Variants in PTPRD observed in about 807,000 individuals in gnomAD.
PTPRD encodes protein tyrosine phosphatase receptor type D.
Under a neutral mutation model 214.5 loss-of-function variants are expected in PTPRD, and 34 were observed. That is an observed-to-expected ratio of 0.16 (90% confidence interval 0.12 to 0.21). PTPRD has a LOEUF of 0.21. PTPRD is among the 10% of genes least tolerant of loss of function. The probability of loss-of-function intolerance (pLI) is 1.00; values close to 1 mark genes in which losing one functional copy is unlikely to be tolerated. For synonymous variants in PTPRD, 1,128 were observed against 845.7 expected, an observed-to-expected ratio of 1.33 and a Z score of -5.79; for missense variants, 2,545 against 2,398.7, an observed-to-expected ratio of 1.06 and a Z score of -1.27.
At chr9:9,540,528 G>C (rs2077367931) in intron 8 of PTPRD, among the ~76,000 whole-genome samples, 3 of 151,812 alleles carry the variant, frequency 2.0e-5, no homozygotes, top group African/African-American at 7.3e-5. Context: ...GAAACAGCCA[G>C]AGACTATCCA....
At chr9:8,343,065 A>C (rs1411102958) in intron 39 of PTPRD, among the ~76,000 whole-genome samples, 1 of 152,052 alleles carries the variant, frequency 6.6e-6, no homozygotes, top group Non-Finnish European at 1.5e-5. Context: ...AAAACAAATG[A>C]GTTAATGCTC....
intron 11 of PTPRD, among the ~76,000 whole-genome samples, chr9:8,977,978 A>C (rs2099277960): frequency 6.6e-6 from 1 of 152,126 alleles, no homozygotes; most frequent in Non-Finnish European, 1.5e-5. Context: ...TACATGCATA[A>C]ATGCCTTGGG....
At chr9:8,866,277 A>T (rs1254158951) in intron 11 of PTPRD, among the ~76,000 whole-genome samples, 1 of 152,192 alleles carries the variant, frequency 6.6e-6, no homozygotes, top group Non-Finnish European at 1.5e-5. Flanking sequence ...TAGAAGCACC[A>T]TTCCTGCTTG....
chr9:8,919,793 CAT>C (rs2154268447), intron 11 of PTPRD, among the ~76,000 whole-genome samples: 1 of 150,090 alleles, frequency 6.7e-6, no homozygotes, highest in African/African-American at 2.4e-5. Flanking sequence ...ATGCACAATA[CAT>C]ACACATGCAA....
At chr9:9,491,391 G>C (rs2095888892) in intron 8 of PTPRD, among the ~76,000 whole-genome samples, 2 of 151,920 alleles carry the variant, frequency 1.3e-5, no homozygotes, top group African/African-American at 2.4e-5. Flanking sequence ...AGAATTACTA[G>C]ACAGAAGATG....
chr9:9,508,823 C>T (rs1029406016), intron 8 of PTPRD, among the ~76,000 whole-genome samples: 7 of 151,568 alleles, frequency 4.6e-5, no homozygotes, highest in Non-Finnish European at 7.4e-5. Flanking sequence ...CAGGATTTAA[C>T]CACTTTTGTG....
intron 5 of PTPRD, among the ~76,000 whole-genome samples, chr9:9,820,902 G>A (rs2050477934): frequency 1.3e-5 from 2 of 152,108 alleles, no homozygotes; most frequent in South Asian, 2.1e-4. Flanking sequence ...AGCATAGTTT[G>A]AAACTGGGTA....
intron 5 of PTPRD, among the ~76,000 whole-genome samples, chr9:9,860,557 C>G (rs1013146722): frequency 6.6e-6 from 1 of 152,192 alleles, no homozygotes; most frequent in Non-Finnish European, 1.5e-5. Context: ...TCTGCTGGTA[C>G]TACATTTGAT....
At position 9,003,158 on chromosome 9, in the gene PTPRD, A is replaced by C. The variant is rs562094100; in HGVS notation, c.-104+15539T>G. Among the ~76,000 whole-genome samples, 6 of 152,164 alleles carry C rather than the reference A, an allele frequency of 3.9e-5. No individual in the cohort carries two copies. In the South Asian group the frequency reaches 1.2e-3, roughly 32 times the overall value. ...ATTATTGAAAGGTTTATTTTATATA[A>C]CATTCTACTGGACTTTGTCCCAGTA... On this transcript the variant is annotated intron_variant, in intron 11 of 45. Transcript: ENST00000381196.
At chr9:9,923,649 G>T (rs1315618072) in intron 5 of PTPRD, among the ~76,000 whole-genome samples, 1 of 151,948 alleles carries the variant, frequency 6.6e-6, no homozygotes, top group Non-Finnish European at 1.5e-5. Flanking sequence ...GCATCAAAGT[G>T]ATCTTTTCAT....
chr9:9,923,842 G>A (rs1236702594), intron 5 of PTPRD, among the ~76,000 whole-genome samples: 1 of 151,780 alleles, frequency 6.6e-6, no homozygotes, highest in Non-Finnish European at 1.5e-5. Flanking sequence ...TTGAAATCAA[G>A]GAGAATGAAG....
At chr9:10,433,111 T>C (rs953992538) in intron 2 of PTPRD, among the ~76,000 whole-genome samples, 1 of 151,922 alleles carries the variant, frequency 6.6e-6, no homozygotes, top group Non-Finnish European at 1.5e-5. Context: ...TTTGTCCTTT[T>C]CTTTAGGGAA....
intron 9 of PTPRD, among the ~76,000 whole-genome samples, chr9:9,211,998 C>G (rs2099949092): frequency 6.6e-6 from 1 of 151,970 alleles, no homozygotes; most frequent in Non-Finnish European, 1.5e-5. Context: ...ATTTTAGAAG[C>G]AAACATTTTT....
rs115001787 is a variant in PTPRD, at chr9:8,993,699, T to C, written c.-104+24998A>G. ...GAGTTCAGTTCTGTTCAACACAGTC[T>C]ACTAATTCTATTGCTTTGCTTTATT... On this transcript the variant is annotated intron_variant, in intron 11 of 45. Transcript: ENST00000381196. Among the ~76,000 whole-genome samples the C allele has an allele frequency of 5.6e-3, 853 of 152,286 alleles. 2 individuals are homozygous for C. The highest frequency in any genetic ancestry group is 0.019 in the African/African-American group (785 of 41,582).
chr9:8,317,891 C>A lies in PTPRD; in HGVS notation c.5722G>T (p.Asp1908Tyr). 1.2e-6 allele frequency: 2 copies of A among 1,612,040 alleles called. No homozygotes were observed. Among genetic ancestry groups the A allele is most frequent in the South Asian group, 1.1e-5 (1 of 90,994 alleles). Residue 1908 changes from aspartate to tyrosine, a missense_variant, in exon 46 of 46, where the codon GAC becomes TAC. Coordinates refer to ENST00000381196, the MANE Select transcript of PTPRD (RefSeq NM_002839.4). ...RAALEYLGSF[D>Y]HYAT ...AGGGGTTTCTACGTTGCATAGTGGT[C>A]AAAGCTGCCCAGGTACTCTAGTGCG...
intron 6 of PTPRD, among the ~76,000 whole-genome samples, chr9:9,736,768 A>T (rs1303962512): frequency 6.6e-6 from 1 of 151,824 alleles, no homozygotes; most frequent in East Asian, 1.9e-4. Flanking sequence ...AGTTATTTTT[A>T]TGCATTTTAT....
chr9:10,418,468 C>G (rs898658372), intron 2 of PTPRD, among the ~76,000 whole-genome samples: 136 of 149,696 alleles, frequency 9.1e-4, no homozygotes, highest in Non-Finnish European at 1.8e-3. Flanking sequence ...CACACACACA[C>G]ACACACACAC....
intron 9 of PTPRD, among the ~76,000 whole-genome samples, chr9:9,307,206 T>G (rs1009281750): frequency 6.6e-6 from 1 of 152,160 alleles, no homozygotes; most frequent in African/African-American, 2.4e-5. Context: ...ATTGTTTGGA[T>G]GGAGAGAAAA....
chr9:8,941,143 A>G (rs2099031625), intron 11 of PTPRD, among the ~76,000 whole-genome samples: 1 of 152,204 alleles, frequency 6.6e-6, no homozygotes. Flanking sequence ...CTCTTTGCTC[A>G]TAAACACATC....
Sources: gnomAD v4.1 joint callset for allele counts (sites outside exome capture counted in the v4.1 genomes callset) on GRCh38, gnomAD v4.1.1 for gene constraint, MANE v1.5 for transcripts, NCBI Gene and HGNC (gene_info 2026-07-23, HGNC 2026-07-21) for gene names.